The following ADAMTS17 variants were observed in gnomAD, a reference collection of about 807,000 sequenced individuals.
The protein encoded by ADAMTS17 is A disintegrin and metalloproteinase with thrombospondin motifs 17.
In ADAMTS17, 113 loss-of-function variants were observed where a neutral mutation model predicts 141.5. The observed-to-expected ratio is 0.80, with a 90% CI of 0.69 to 0.93. The LOEUF is 0.93. Ranked by LOEUF, ADAMTS17 falls within the 40% of genes least tolerant of loss-of-function variation. The pLI, the probability that ADAMTS17 is intolerant of heterozygous loss-of-function variation, is 0.00. For missense variants in ADAMTS17, 1,659 were observed against 1,517.9 expected, an observed-to-expected ratio of 1.09 and a Z score of -1.54; for synonymous variants, 768 against 630.6, an observed-to-expected ratio of 1.22 and a Z score of -3.27.
At chr15:100,163,024 A>ATGTATATATATAACTATAT (rs1240557195) in intron 8 of ADAMTS17, among the ~76,000 whole-genome samples, 1 of 146,306 alleles carries the variant, frequency 6.8e-6, no homozygotes, top group East Asian at 2.0e-4. Context: ...ATAACTATAT[A>ATGTATATATATAACTATAT]TGTATATATA....
At chr15:100,297,915 A>G (rs1046086633) in intron 3 of ADAMTS17, among the ~76,000 whole-genome samples, 3 of 152,144 alleles carry the variant, frequency 2.0e-5, no homozygotes, top group Non-Finnish European at 4.4e-5. Context: ...AGAGCATGAC[A>G]TCCCAAGAAC....
At chr15:100,000,524 AT>A (rs2141358930) in intron 18 of ADAMTS17, among the ~76,000 whole-genome samples, 1 of 152,098 alleles carries the variant, frequency 6.6e-6, no homozygotes, top group East Asian at 1.9e-4. Flanking sequence ...TATCTTCTTT[AT>A]TTTTTGAGAT....
intron 2 of ADAMTS17, among the ~76,000 whole-genome samples, chr15:100,339,790 C>A (rs1162241869): frequency 2.0e-5 from 3 of 152,204 alleles, no homozygotes; most frequent in Non-Finnish European, 4.4e-5. Flanking sequence ...CTATCATACC[C>A]TAATCAGAAC....
At chr15:100,202,108 T>C (rs951108363) in intron 7 of ADAMTS17, among the ~76,000 whole-genome samples, 15 of 152,200 alleles carry the variant, frequency 9.9e-5, no homozygotes, top group African/African-American at 3.6e-4. Flanking sequence ...GTCCTGAGTG[T>C]GCCCACCACG....
intron 7 of ADAMTS17, among the ~76,000 whole-genome samples, chr15:100,244,380 T>G (rs1386939333): frequency 7.1e-6 from 1 of 140,952 alleles, no homozygotes; most frequent in Non-Finnish European, 1.5e-5. Context: ...GAGCCAATCT[T>G]GTCCACCACT....
intron 13 of ADAMTS17, among the ~76,000 whole-genome samples, chr15:100,109,871 C>T (rs2036643397): frequency 6.6e-6 from 1 of 152,128 alleles, no homozygotes. Flanking sequence ...TGCAGCTCTT[C>T]CCTCACGCCA....
At chr15:100,322,955 C>T (rs566024964) in intron 3 of ADAMTS17, among the ~76,000 whole-genome samples, 7 of 151,926 alleles carry the variant, frequency 4.6e-5, no homozygotes, top group Non-Finnish European at 7.4e-5. Context: ...GGCGTGGTGG[C>T]GGGCACCTGT....
At chr15:100,297,481 A>G (rs548375709) in intron 3 of ADAMTS17, among the ~76,000 whole-genome samples, 199 of 152,280 alleles carry the variant, frequency 1.3e-3, no homozygotes, top group African/African-American at 4.6e-3. Context: ...TGCAGGTGGG[A>G]AGAAGCAAAT....
chr15:100,099,414 A>G (rs1452655725), intron 14 of ADAMTS17, among the ~76,000 whole-genome samples: 5 of 152,240 alleles, frequency 3.3e-5, no homozygotes, highest in African/African-American at 7.2e-5. Context: ...GGAAGCTGCC[A>G]TAGGACACAA....
Position 99,975,951 on chromosome 15 carries a change from G to A in ADAMTS17, c.3127+94C>T. The A allele has an allele frequency of 2.9e-6, 4 of 1,372,724 alleles. No homozygotes were observed. In the South Asian group the frequency reaches 4.3e-5, roughly 15 times the overall value. The allele number at this position is 1,372,724 out of a possible 1,614,324, so 85.0% of individuals were successfully genotyped here. ...TGTGACAAGTGAGGCCCAAGAAGGGGCTTTCTGGCTGAAAGAACCTCACCG... is the reference window on the plus strand; with the variant it reads ...TGTGACAAGTGAGGCCCAAGAAGGGACTTTCTGGCTGAAAGAACCTCACCG... On this transcript the variant is annotated intron_variant, in intron 21 of 21. Coordinates refer to ENST00000268070, the MANE Select transcript of ADAMTS17 (RefSeq NM_139057.4).
At chr15:100,010,704 T>C (rs983178596) in intron 18 of ADAMTS17, among the ~76,000 whole-genome samples, 2 of 152,218 alleles carry the variant, frequency 1.3e-5, no homozygotes, top group African/African-American at 4.8e-5. Context: ...GTGCCATGCA[T>C]AGTCCTGAAG....
intron 7 of ADAMTS17, among the ~76,000 whole-genome samples, chr15:100,229,725 G>A (rs2042418318): frequency 6.6e-6 from 1 of 152,172 alleles, no homozygotes; most frequent in African/African-American, 2.4e-5. Flanking sequence ...CACCCACAGA[G>A]CCTCAGGAGA....
chr15:99,987,232 G>T (rs1039428185), intron 20 of ADAMTS17, among the ~76,000 whole-genome samples: 3 of 152,212 alleles, frequency 2.0e-5, no homozygotes, highest in Admixed American at 2.0e-4. Flanking sequence ...CTTGGATGGG[G>T]ATATCGAAGC....
chr15:100,094,286 G>T (rs1297888586), intron 15 of ADAMTS17, among the ~76,000 whole-genome samples: 1 of 152,256 alleles, frequency 6.6e-6, no homozygotes, highest in Non-Finnish European at 1.5e-5. Flanking sequence ...GAGGCTTCCA[G>T]TATGGTCCAT....
At chr15:100,277,669 G>A (rs2044146751) in intron 4 of ADAMTS17, among the ~76,000 whole-genome samples, 1 of 152,226 alleles carries the variant, frequency 6.6e-6, no homozygotes, top group African/African-American at 2.4e-5. Flanking sequence ...GGGAGACGTG[G>A]GTTTGTGCAC....
At chr15:100,035,100 C>A (rs186753788) in intron 18 of ADAMTS17, among the ~76,000 whole-genome samples, 6 of 152,234 alleles carry the variant, frequency 3.9e-5, no homozygotes, top group African/African-American at 1.4e-4. Flanking sequence ...AAAAAGGCAA[C>A]CCTCAGGTAC....
At chr15:100,145,090 T>TA (rs927878079) in intron 10 of ADAMTS17, among the ~76,000 whole-genome samples, 1 of 152,212 alleles carries the variant, frequency 6.6e-6, no homozygotes, top group African/African-American at 2.4e-5. Context: ...ATAATATACT[T>TA]AAAGTTCTAG....
rs990790514 is a variant in ADAMTS17 at position 100,070,531 on chromosome 15, T to A, written c.2138-16477A>T. Reference sequence around the variant, plus strand: ...AGCAAATGTAAAACAATAGAAATTATAACAAACTGTCTCTCAGACCACGGT... The same window carrying A: ...AGCAAATGTAAAACAATAGAAATTAAAACAAACTGTCTCTCAGACCACGGT... On this transcript the variant is annotated intron_variant, in intron 15 of 21. Transcript: ENST00000268070. 2.7e-5 allele frequency among the ~76,000 whole-genome samples: 4 copies of A among 150,066 alleles called. 1 individual carries two copies. The highest frequency in any genetic ancestry group is 9.9e-5 in the African/African-American group (4 of 40,544).
chr15:99,985,562 G>C (rs974067346), intron 20 of ADAMTS17, among the ~76,000 whole-genome samples: 2 of 152,326 alleles, frequency 1.3e-5, no homozygotes, highest in East Asian at 3.9e-4. Context: ...GGAGAGAGCA[G>C]ACAGATACTT....
Sources: gnomAD v4.1 joint callset for allele counts (sites outside exome capture counted in the v4.1 genomes callset) on GRCh38, gnomAD v4.1.1 for gene constraint, MANE v1.5 for transcripts, NCBI Gene and HGNC (gene_info 2026-07-23, HGNC 2026-07-21) for gene names.